The following SPRED2 variants were observed in gnomAD, a reference collection of about 807,000 sequenced individuals.
The protein encoded by SPRED2 is sprouty-related, EVH1 domain-containing protein 2.
SPRED2 carries 47 observed loss-of-function variants against 43.0 expected under a neutral mutation model. The observed-to-expected ratio is 1.09, with a 90% CI of 0.87 to 1.40. SPRED2 has a LOEUF of 1.40. Ranked by LOEUF, SPRED2 falls within the 40% of genes most tolerant of loss-of-function variation. The probability of loss-of-function intolerance (pLI) is 0.00; values close to 1 mark genes in which losing one functional copy is unlikely to be tolerated. For synonymous variants in SPRED2, 225 were observed against 225.7 expected (o/e 1.00, Z 0.03); for missense variants, 561 against 586.4 (o/e 0.96, Z 0.45).
In SPRED2 at chr2:65,344,812, C is replaced by T; in HGVS notation, c.111G>A (p.Gly37=). ...CCTTACAGACCCCGACGCGACTGAT[C>T]CCGCCTCCTTCCTGTGGGAACCATC... The part of the protein sequence containing the change: ...SGGWFPQEGG[G]ISRVGVCKVM... Residue 37 remains glycine (G), a synonymous_variant, in exon 2 of 6, where the codon GGG becomes GGA. Coordinates refer to ENST00000356388, the MANE Select transcript of SPRED2 (RefSeq NM_181784.3). 2 of 1,614,160 alleles carry T rather than the reference C, an allele frequency of 1.2e-6. No individual in the cohort carries two copies. The highest frequency in any genetic ancestry group is 1.7e-6 in the Non-Finnish European group (2 of 1,180,038).
downstream of SPRED2, chr2:65,308,435 G>T (rs1672985655): frequency 3.0e-6 from 3 of 985,426 alleles, no homozygotes; most frequent in South Asian, 1.4e-4. Context: ...ATCAAATTCA[G>T]ATCAAATAGA....
chr2:65,366,675 A>G (rs1674989400), intron 1 of SPRED2: 1 of 1,543,786 alleles, frequency 6.5e-7, no homozygotes. Flanking sequence ...TCCGATAAAA[A>G]TGGATCGTCT....
intron 4 of SPRED2, among the ~76,000 whole-genome samples, chr2:65,331,712 A>G (rs1356417402): frequency 6.6e-6 from 1 of 152,218 alleles, no homozygotes; most frequent in Non-Finnish European, 1.5e-5. Flanking sequence ...TGGTCATCCT[A>G]AATCTGAGCA....
In SPRED2 at chr2:65,313,545, C is replaced by T. The variant is rs1673132889; in HGVS notation, c.1213G>A (p.Val405Met). 2.5e-6 allele frequency: 4 copies of T among 1,613,270 alleles called. No individual in the cohort carries two copies. Among genetic ancestry groups the T allele is most frequent in the Non-Finnish European group, 3.4e-6 (4 of 1,179,592 alleles). ...TTCCCGCCACAGCACCTGCACATCA[C>T]TCCGCAGTGGTAGCAGGCCCGAAGG... The part of the protein sequence containing the change: ...LPLRACYHCG[V>M]MCRCCGGKHK... Residue 405 changes from valine to methionine, a missense_variant, in exon 6 of 6, where the codon GTG becomes ATG. Physicochemically the swap from Val to Met is conservative, Grantham distance 21 (BLOSUM62 1). Coordinates refer to ENST00000356388, the MANE Select transcript of SPRED2 (RefSeq NM_181784.3).
At chr2:65,367,167 C>T (rs1674999669) in intron 1 of SPRED2, among the ~76,000 whole-genome samples, 1 of 152,062 alleles carries the variant, frequency 6.6e-6, no homozygotes, top group Admixed American at 6.5e-5. Flanking sequence ...GCTGCAGAAG[C>T]TATGTAAAAA....
chr2:65,410,457 A>G (rs1676128119), intron 1 of SPRED2, among the ~76,000 whole-genome samples: 1 of 152,106 alleles, frequency 6.6e-6, no homozygotes, highest in Admixed American at 6.6e-5. Context: ...TCCACTCACT[A>G]GGTAAAAATG....
Position 65,312,233 on chromosome 2 carries a change from T to A in SPRED2, c.*1268A>T. 6.1e-6 allele frequency: 6 copies of A among 985,502 alleles called. No individual in the cohort carries two copies. Among genetic ancestry groups the A allele is most frequent in the Non-Finnish European group, 6.0e-6 (5 of 829,894 alleles). The allele number at this position is 985,502 out of a possible 1,614,324, so 61.0% of individuals were successfully genotyped here. On this transcript the variant is annotated 3_prime_UTR_variant, in exon 6 of 6. Coordinates refer to ENST00000356388, the MANE Select transcript of SPRED2 (RefSeq NM_181784.3). ...CCACCTGTGCACCCAAAGTGGCGAG[T>A]CTGGGTTTGGAGTTGCAGGAGAAAG...
rs771623892 is a variant in SPRED2, at chr2:65,344,904, G to A, written c.27-8C>T. The A allele has an allele frequency of 1.9e-6, 3 of 1,610,442 alleles. No individual in the cohort carries two copies. Among genetic ancestry groups the A allele is most frequent in the Non-Finnish European group, 1.7e-6 (2 of 1,177,334 alleles). On this transcript the variant is annotated splice_polypyrimidine_tract_variant and splice_region_variant and intron_variant, in intron 1 of 5. Coordinates refer to ENST00000356388, the MANE Select transcript of SPRED2 (RefSeq NM_181784.3). ...CGCACAATATAGCTGTCACTAAAAC[G>A]ACAAGAAGAAGAAGCACAGGGCATG...
At chr2:65,316,630 G>T in intron 5 of SPRED2, 104 bp downstream of exon 5, 1 of 1,359,652 alleles carries the variant, frequency 7.4e-7, no homozygotes, top group Non-Finnish European at 1.0e-6. Context: ...AGGAGCAGGA[G>T]AGGCCTGTGG....
chr2:65,332,872 A>C (rs1673854687), intron 3 of SPRED2, among the ~76,000 whole-genome samples: 1 of 152,248 alleles, frequency 6.6e-6, no homozygotes, highest in Admixed American at 6.5e-5. Flanking sequence ...GGCCAAAAGA[A>C]AGACATATTT....
chr2:65,382,543 T>C (rs268132), intron 1 of SPRED2, among the ~76,000 whole-genome samples: 72,799 of 151,986 alleles, frequency 0.48, 18,371 homozygotes, highest in African/African-American at 0.64. Context: ...CAGCACAGAC[T>C]AGCGGTACTG....
chr2:65,345,543 G>C (rs967277555), intron 1 of SPRED2, among the ~76,000 whole-genome samples: 12 of 152,090 alleles, frequency 7.9e-5, no homozygotes, highest in Non-Finnish European at 1.8e-4. Context: ...TTACAGGCGG[G>C]AGCCACCACG....
At chr2:65,397,968 C>G (rs2103710086) in intron 1 of SPRED2, among the ~76,000 whole-genome samples, 1 of 152,286 alleles carries the variant, frequency 6.6e-6, no homozygotes, top group South Asian at 2.1e-4. Flanking sequence ...TGGAGGCAAC[C>G]TATTACCTGA....
intron 4 of SPRED2, among the ~76,000 whole-genome samples, chr2:65,328,636 T>G (rs1438941903): frequency 1.3e-5 from 2 of 152,138 alleles, no homozygotes; most frequent in African/African-American, 2.4e-5. Flanking sequence ...CTTGGGCCAG[T>G]GAATGGAGAC....
At chr2:65,369,123 T>C (rs920129672) in intron 1 of SPRED2, among the ~76,000 whole-genome samples, 3 of 152,198 alleles carry the variant, frequency 2.0e-5, no homozygotes, top group East Asian at 1.9e-4. Context: ...ACAGTTACTG[T>C]TGCTGACATG....
At chr2:65,418,038 A>G (rs1431417261) in intron 1 of SPRED2, among the ~76,000 whole-genome samples, 3 of 152,200 alleles carry the variant, frequency 2.0e-5, no homozygotes, top group Non-Finnish European at 2.9e-5. Flanking sequence ...ATCTCTTCAC[A>G]ATATATGTTT....
intron 1 of SPRED2, among the ~76,000 whole-genome samples, chr2:65,414,944 CTCTA>C (rs1676239617): frequency 6.6e-6 from 1 of 152,140 alleles, no homozygotes; most frequent in Non-Finnish European, 1.5e-5. Context: ...CATTAGTTGA[CTCTA>C]TCCCGTTTAA....
At chr2:65,393,212 A>G (rs1009092454) in intron 1 of SPRED2, among the ~76,000 whole-genome samples, 1 of 152,000 alleles carries the variant, frequency 6.6e-6, no homozygotes, top group Non-Finnish European at 1.5e-5. Flanking sequence ...CGAATGTGGC[A>G]TCTCTCCCCA....
chr2:65,423,890 A>G (rs997500861), intron 1 of SPRED2, among the ~76,000 whole-genome samples: 14 of 151,938 alleles, frequency 9.2e-5, no homozygotes, highest in African/African-American at 3.4e-4. Flanking sequence ...CCCAGGTTCA[A>G]GCGATTCTCC....
Sources: allele counts gnomAD v4.1 joint callset (sites outside exome capture counted in the v4.1 genomes callset), GRCh38; gene constraint gnomAD v4.1.1; transcripts MANE v1.5; gene names NCBI Gene and HGNC (gene_info 2026-07-23, HGNC 2026-07-21).